Variants in TBL1Y observed in about 807,000 individuals in gnomAD.
The protein encoded by TBL1Y is F-box-like/WD repeat-containing protein TBL1Y.
Under a neutral mutation model 12.0 loss-of-function variants are expected in TBL1Y, and 15 were observed. The ratio of observed to expected loss-of-function variants is 1.25; its 90% CI spans 0.83 to 1.92. TBL1Y has a LOEUF of 1.92. TBL1Y is among the 40% of genes most tolerant of loss of function. The pLI is 0.00. For missense variants in TBL1Y, 148 were observed against 116.7 expected, an observed-to-expected ratio of 1.27 and a Z score of -1.24; for synonymous variants, 53 against 42.6, an observed-to-expected ratio of 1.24 and a Z score of -0.95.
intron 6 of TBL1Y, among the ~76,000 whole-genome samples, chrY:7,037,161 C>T (rs190787816): frequency 1.1e-3 from 36 of 32,655 alleles, no homozygotes; most frequent in African/African-American, 4.1e-3. Context: ...GGAGGCAGGG[C>T]GTCTAGGAGG....
chrY:7,063,897 G>A lies in TBL1Y; in HGVS notation c.205G>A (p.Asp69Asn). ...GCTGTCCCTTGGCTTGCTTCCCCAG[G>A]ATGGCACAGTGTTCGACAGCCGCCC... ...YVEAEISINKDGTVFDSRPIE... is the reference protein window; with the variant it reads ...YVEAEISINKNGTVFDSRPIE... Residue 69 changes from aspartate (D) to asparagine (N), a missense_variant and splice_region_variant, in exon 8 of 19, where the codon GAT becomes AAT. By Grantham distance (23) the Asp-to-Asn change is conservative. Coordinates refer to ENST00000383032, the MANE Select transcript of TBL1Y (RefSeq NM_033284.2). The A allele has an allele frequency of 2.5e-6, 1 of 397,929 alleles. No homozygotes were observed. The highest frequency in any genetic ancestry group is 3.5e-6 in the Non-Finnish European group (1 of 283,383).
chrY:7,025,337 T>C (rs1036867943), intron 6 of TBL1Y, among the ~76,000 whole-genome samples, 195 bp downstream of exon 6: 2 of 33,872 alleles, frequency 5.9e-5, no homozygotes, highest in African/African-American at 1.2e-4. Flanking sequence ...GTGGACTTTG[T>C]TATCTCTACA....
At chrY:6,993,190 T>TTTCTTTCTTTCC (rs2012382148) in intron 3 of TBL1Y, among the ~76,000 whole-genome samples, 1 of 5,220 alleles carries the variant, frequency 1.9e-4, no homozygotes. Context: ...CCAAGTTCCT[T>TTTCTTTCTTTCC]TTCTTTCTTT....
intron 3 of TBL1Y, among the ~76,000 whole-genome samples, chrY:6,990,339 T>G: frequency 3.1e-5 from 1 of 32,652 alleles, no homozygotes; most frequent in Admixed American, 2.9e-4. Flanking sequence ...GCACTGGTAT[T>G]GAGAAGCACA....
chrY:7,018,242 C>T (rs2012564003), intron 4 of TBL1Y, among the ~76,000 whole-genome samples: 1 of 33,483 alleles, frequency 3.0e-5, no homozygotes, highest in Non-Finnish European at 7.4e-5. Context: ...CTGAAATCTA[C>T]GTATTAACAT....
In TBL1Y at chrY:7,055,588, C is replaced by G. The variant is rs757877481; in HGVS notation, c.205-8309C>G. The stretch of plus-strand genomic sequence containing the variant: ...CTGTGATCACACCACTGCACAGCAA[C>G]TTGGTTGATAGAAGAAGACCCTGTC... On this transcript the variant is annotated intron_variant, in intron 7 of 18. Transcript: ENST00000383032. Among the ~76,000 whole-genome samples, 4 of 33,628 alleles carry G rather than the reference C, an allele frequency of 1.2e-4. No homozygotes were observed. In the South Asian group the frequency reaches 2.7e-3, roughly 23 times the overall value. 90.2% of individuals were successfully genotyped at this position (33,628 alleles called of 37,273 possible). A position where few individuals can be genotyped will look rare whatever the true frequency, so the allele number is the denominator to read the frequency against.
chrY:6,924,464 T>G, intron 2 of TBL1Y, among the ~76,000 whole-genome samples: 1 of 30,958 alleles, frequency 3.2e-5, no homozygotes, highest in Non-Finnish European at 7.7e-5. Context: ...GGCGGACGCC[T>G]GTAGTCCCAG....
At chrY:7,026,945 G>A in intron 6 of TBL1Y, among the ~76,000 whole-genome samples, 1 of 32,696 alleles carries the variant, frequency 3.1e-5, no homozygotes, top group Non-Finnish European at 7.5e-5. Flanking sequence ...TTTTTGAAAT[G>A]GGGTCTCAGT....
chrY:7,051,198 T>C, intron 7 of TBL1Y, among the ~76,000 whole-genome samples: 1 of 33,779 alleles, frequency 3.0e-5, no homozygotes, highest in Non-Finnish European at 7.3e-5. Flanking sequence ...TTAAATAATA[T>C]TTTATTATTT....
At chrY:7,035,194 CAT>C (rs2012682542) in intron 6 of TBL1Y, among the ~76,000 whole-genome samples, 1 of 33,763 alleles carries the variant, frequency 3.0e-5, no homozygotes, top group Non-Finnish European at 7.4e-5. Context: ...AGCCAACAAA[CAT>C]ATGAAAAAAA....
Position 7,063,881 on chromosome Y carries a change from TG to T in TBL1Y, c.205-14del. On this transcript the variant is annotated splice_polypyrimidine_tract_variant and intron_variant, in intron 7 of 18. Coordinates refer to ENST00000383032, the MANE Select transcript of TBL1Y (RefSeq NM_033284.2). ...CCCTTGTGAGCTGATGGCTGTCCCT[TG>T]GCTTGCTTCCCCAGGATGGCACAGT... 1 of 397,793 alleles carries T rather than the reference TG, an allele frequency of 2.5e-6. No individual in the cohort carries two copies. Among genetic ancestry groups the T allele is most frequent in the South Asian group, 3.0e-5 (1 of 33,406 alleles).
chrY:7,004,482 C>G (rs2012474108), intron 4 of TBL1Y, among the ~76,000 whole-genome samples: 1 of 34,274 alleles, frequency 2.9e-5, no homozygotes, highest in African/African-American at 1.1e-4. Flanking sequence ...GTCTGTAGTT[C>G]TGACTACTAT....
chrY:6,965,712 G>C, intron 2 of TBL1Y, among the ~76,000 whole-genome samples: 1 of 33,628 alleles, frequency 3.0e-5, no homozygotes, highest in Admixed American at 2.7e-4. Flanking sequence ...TCTGTCCAAT[G>C]AGTTAGCCAA....
At chrY:7,040,399 T>C in intron 6 of TBL1Y, among the ~76,000 whole-genome samples, 6 of 34,521 alleles carry the variant, frequency 1.7e-4, no homozygotes, top group Admixed American at 1.0e-3. Flanking sequence ...GAAACTTGCA[T>C]TGGAGAGCAT....
chrY:7,045,395 G>A (rs1028854897), intron 7 of TBL1Y, among the ~76,000 whole-genome samples: 34 of 33,329 alleles, frequency 1.0e-3, no homozygotes, highest in African/African-American at 3.6e-3. Context: ...TCACTTACTC[G>A]GCATATGCTC....
At chrY:7,065,038 T>C (rs980929089) in intron 8 of TBL1Y, among the ~76,000 whole-genome samples, 12 of 33,335 alleles carry the variant, frequency 3.6e-4, no homozygotes, top group Admixed American at 8.2e-4. Context: ...ATTTATTAAC[T>C]ATGCAGTGAC....
At chrY:6,947,755 A>G in intron 2 of TBL1Y, among the ~76,000 whole-genome samples, 4 of 34,192 alleles carry the variant, frequency 1.2e-4, no homozygotes, top group African/African-American at 2.3e-4. Context: ...CCATTAAACA[A>G]GCTTAGTTAA....
chrY:7,022,508 A>G (rs2012588820), intron 5 of TBL1Y, among the ~76,000 whole-genome samples: 2 of 33,750 alleles, frequency 5.9e-5, no homozygotes, highest in East Asian at 1.5e-3. Context: ...TTGTTTGTTA[A>G]TAAAAACAAA....
intron 7 of TBL1Y, among the ~76,000 whole-genome samples, chrY:7,050,409 C>T: frequency 8.4e-5 from 2 of 23,933 alleles, no homozygotes; most frequent in Non-Finnish European, 8.9e-5. Context: ...GCAGGAGAAT[C>T]GCTTGAACCC....
Sources: allele counts gnomAD v4.1 joint callset (sites outside exome capture counted in the v4.1 genomes callset), GRCh38; gene constraint gnomAD v4.1.1; transcripts MANE v1.5; gene names NCBI Gene and HGNC (gene_info 2026-07-23, HGNC 2026-07-21).